Variants in PIP4K2A observed in about 807,000 individuals in gnomAD.
The protein encoded by PIP4K2A is phosphatidylinositol-5-phosphate 4-kinase type 2 alpha.
In PIP4K2A, 14 loss-of-function variants were observed where a neutral mutation model predicts 42.9. That is an observed-to-expected ratio of 0.33 (90% CI 0.22 to 0.51). The LOEUF (loss-of-function observed/expected upper bound fraction) is 0.51, where lower values mean the gene tolerates loss of function less well. Ranked by LOEUF, PIP4K2A falls within the 20% of genes least tolerant of loss-of-function variation. PIP4K2A has a pLI of 0.97. For synonymous variants in PIP4K2A, 192 were observed against 192.2 expected, an observed-to-expected ratio of 1.00 and a Z score of 0.01; for missense variants, 434 against 519.8, an observed-to-expected ratio of 0.83 and a Z score of 1.61.
intron 1 of PIP4K2A, among the ~76,000 whole-genome samples, chr10:22,689,412 C>G (rs1839819009): frequency 6.6e-6 from 1 of 152,218 alleles, no homozygotes; most frequent in Non-Finnish European, 1.5e-5. Context: ...TGTAACTAGG[C>G]CTACCATGGT....
intron 7 of PIP4K2A, among the ~76,000 whole-genome samples, chr10:22,543,498 C>A (rs546090547): frequency 6.6e-6 from 1 of 152,214 alleles, no homozygotes; most frequent in Non-Finnish European, 1.5e-5. Context: ...GGGGCTCCTG[C>A]GTTCAGCTTT....
In PIP4K2A at chr10:22,538,785, T is replaced by G. The variant is rs570534078; in HGVS notation, c.1140+1186A>C. 1.7e-3 allele frequency among the ~76,000 whole-genome samples: 246 copies of G among 145,424 alleles called. 4 individuals are homozygous for G. The highest frequency in any genetic ancestry group is 6.0e-3 in the African/African-American group (240 of 39,816). ...GGGGGAAGCCACCAGGCACACTTGC[T>G]TACTGACGTGCTCGGGGGCGGTGAG... On this transcript the variant is annotated intron_variant, in intron 9 of 9. Coordinates refer to ENST00000376573, the MANE Select transcript of PIP4K2A (RefSeq NM_005028.5).
chr10:22,547,057 C>T (rs951595267), intron 7 of PIP4K2A, among the ~76,000 whole-genome samples: 2 of 152,172 alleles, frequency 1.3e-5, no homozygotes, highest in African/African-American at 2.4e-5. Flanking sequence ...TGAGTCCTTG[C>T]TGTGACAAAT....
intron 4 of PIP4K2A, among the ~76,000 whole-genome samples, chr10:22,587,703 G>C (rs1003732650): frequency 1.3e-5 from 2 of 152,176 alleles, no homozygotes; most frequent in Admixed American, 1.3e-4. Flanking sequence ...ATCTCGTCTG[G>C]AAGTGGCATA....
At chr10:22,613,410 C>T (rs994042971) in intron 1 of PIP4K2A, among the ~76,000 whole-genome samples, 2 of 152,082 alleles carry the variant, frequency 1.3e-5, no homozygotes, top group South Asian at 4.2e-4. Context: ...GGGATTCAGG[C>T]ATGCAGGAAG....
intron 1 of PIP4K2A, among the ~76,000 whole-genome samples, chr10:22,712,917 T>G (rs931241351): frequency 6.6e-6 from 1 of 150,472 alleles, no homozygotes; most frequent in Non-Finnish European, 1.5e-5. Context: ...ATTGAGGGTG[T>G]GTGTGTGTGT....
intron 3 of PIP4K2A, among the ~76,000 whole-genome samples, chr10:22,598,791 T>A (rs527725911): frequency 6.6e-6 from 1 of 152,342 alleles, no homozygotes; most frequent in East Asian, 1.9e-4. Context: ...TTCTAATTAT[T>A]ATTCTGCTGT....
chr10:22,598,351 CT>C (rs1057465887), intron 3 of PIP4K2A, among the ~76,000 whole-genome samples: 26 of 152,132 alleles, frequency 1.7e-4, no homozygotes, highest in Non-Finnish European at 2.9e-4. Flanking sequence ...GACAGAGACT[CT>C]GTTAAAAAAT....
At chr10:22,651,984 A>G (rs1156559283) in intron 1 of PIP4K2A, among the ~76,000 whole-genome samples, 1 of 152,214 alleles carries the variant, frequency 6.6e-6, no homozygotes, top group Admixed American at 6.5e-5. Flanking sequence ...AATACTCACT[A>G]GTACATTTAA....
At chr10:22,660,567 T>C (rs1026158566) in intron 1 of PIP4K2A, among the ~76,000 whole-genome samples, 2 of 152,184 alleles carry the variant, frequency 1.3e-5, no homozygotes, top group African/African-American at 4.8e-5. Context: ...AGGTGATCCA[T>C]GTGCTTTATG....
Position 22,676,421 on chromosome 10 carries a change from C to G in PIP4K2A, c.144+37762G>C, listed in dbSNP as rs538206448. 1.1e-4 allele frequency among the ~76,000 whole-genome samples: 17 copies of G among 152,258 alleles called. 1 individual carries two copies. The highest frequency in any genetic ancestry group is 3.9e-4 in the African/African-American group (16 of 41,542). The stretch of plus-strand genomic sequence containing the variant: ...CAGAATTTGTAACCAATCTTTAAAC[C>G]TATCGTCTCTCAGCTTTGTCTCACT... On this transcript the variant is annotated intron_variant, in intron 1 of 9. Coordinates refer to ENST00000376573, the MANE Select transcript of PIP4K2A (RefSeq NM_005028.5).
intron 1 of PIP4K2A, among the ~76,000 whole-genome samples, chr10:22,635,940 A>T (rs767638368): frequency 2.0e-5 from 3 of 152,254 alleles, no homozygotes; most frequent in Non-Finnish European, 4.4e-5. Flanking sequence ...GTTTGTCCAC[A>T]GATTATTCAT....
intron 3 of PIP4K2A, among the ~76,000 whole-genome samples, chr10:22,593,467 G>C (rs1191429308): frequency 6.6e-6 from 1 of 152,174 alleles, no homozygotes; most frequent in Non-Finnish European, 1.5e-5. Context: ...ATGACTTTCA[G>C]GATGAAAATG....
intron 3 of PIP4K2A, 90 bp from the exon 4 acceptor site, chr10:22,591,871 T>C (rs1001931707): frequency 1.4e-5 from 17 of 1,175,674 alleles, no homozygotes; most frequent in African/African-American, 4.6e-5. Context: ...TTTGTCATCA[T>C]TGCAAGTTTT....
chr10:22,556,828 C>T (rs1231759578), intron 6 of PIP4K2A, among the ~76,000 whole-genome samples: 1 of 151,990 alleles, frequency 6.6e-6, no homozygotes, highest in Non-Finnish European at 1.5e-5. Flanking sequence ...TTATTATAGA[C>T]ATTTCTCCCT....
chr10:22,650,132 T>A (rs532651795), intron 1 of PIP4K2A, among the ~76,000 whole-genome samples: 1 of 152,330 alleles, frequency 6.6e-6, no homozygotes, highest in African/African-American at 2.4e-5. Flanking sequence ...GAATCCCAAG[T>A]GGCCTGCCTT....
At position 22,552,708 on chromosome 10, in the gene PIP4K2A, A is replaced by G. The variant is rs143640160; in HGVS notation, c.679-1936T>C. On this transcript the variant is annotated intron_variant, in intron 6 of 9. Coordinates refer to ENST00000376573, the MANE Select transcript of PIP4K2A (RefSeq NM_005028.5). ...AGAAAAAAGGGTTGAAGCCAGACCT[A>G]CACACAAAAACAGGAGAGATGGAGA... 6.6e-5 allele frequency among the ~76,000 whole-genome samples: 10 copies of G among 152,326 alleles called. No homozygotes were observed. In the East Asian group the frequency reaches 1.9e-3, roughly 29 times the overall value.
At chr10:22,691,397 T>C (rs1839864081) in intron 1 of PIP4K2A, among the ~76,000 whole-genome samples, 1 of 152,116 alleles carries the variant, frequency 6.6e-6, no homozygotes, top group Non-Finnish European at 1.5e-5. Context: ...CCCCTTCTCC[T>C]CCTCCCAGGA....
intron 4 of PIP4K2A, among the ~76,000 whole-genome samples, chr10:22,584,815 C>T (rs1837356391): frequency 6.6e-6 from 1 of 152,204 alleles, no homozygotes; most frequent in Non-Finnish European, 1.5e-5. Flanking sequence ...GATACTTACA[C>T]AGGACTGAGA....
Sources: gnomAD v4.1 joint callset for allele counts (sites outside exome capture counted in the v4.1 genomes callset) on GRCh38, gnomAD v4.1.1 for gene constraint, MANE v1.5 for transcripts, NCBI Gene and HGNC (gene_info 2026-07-23, HGNC 2026-07-21) for gene names.